Variants in CROT observed in about 807,000 individuals in gnomAD.
The protein encoded by CROT is peroxisomal carnitine O-octanoyltransferase.
CROT carries 84 observed loss-of-function variants against 89.2 expected under a neutral mutation model. That is an observed-to-expected ratio of 0.94 (90% CI 0.79 to 1.13). CROT has a LOEUF of 1.13. Among genes scored for constraint, CROT ranks in the 50% most tolerant of loss-of-function variants. The pLI is 0.00. For missense variants in CROT, 711 were observed against 727.8 expected (o/e 0.98, Z 0.27); for synonymous variants, 212 against 239.5 (o/e 0.89, Z 1.06).
In CROT at chr7:87,361,717, T is replaced by G; in HGVS notation, c.423-11T>G. 6.4e-7 allele frequency: 1 copy of G among 1,566,678 alleles called. No individual in the cohort carries two copies. The highest frequency in any genetic ancestry group is 8.6e-7 in the Non-Finnish European group (1 of 1,161,502). On this transcript the variant is annotated splice_polypyrimidine_tract_variant and intron_variant, in intron 5 of 17. Transcript: ENST00000331536. ...ATAATGACTTTTTGATCAAAATCCTTTTTTTAATAGAGAAAAAGTGCCTGT... is the reference window on the plus strand; with the variant it reads ...ATAATGACTTTTTGATCAAAATCCTGTTTTTAATAGAGAAAAAGTGCCTGT...
At position 87,392,827 on chromosome 7, in the gene CROT, A is replaced by G; in HGVS notation, c.1598+4A>G. ...CGGACCCACTTTTTTCCAAAAGGTA[A>G]TATAGTGTAGTGTTTTACAGCTTCA... On this transcript the variant is annotated splice_donor_region_variant and intron_variant, in intron 16 of 17. Transcript: ENST00000331536. 1 of 1,612,834 alleles carries G rather than the reference A, an allele frequency of 6.2e-7. No individual in the cohort carries two copies. Among genetic ancestry groups the G allele is most frequent in the Middle Eastern group, 1.7e-4 (1 of 6,054 alleles).
chr7:87,390,910 A>T (rs563713416), intron 13 of CROT, among the ~76,000 whole-genome samples: 3 of 152,204 alleles, frequency 2.0e-5, no homozygotes, highest in Admixed American at 2.0e-4. Flanking sequence ...CAGTAATTTT[A>T]TATCACAATT....
chr7:87,375,971 C>CTTTTT lies in CROT; in HGVS notation c.876+25_876+29dup. ...ATTCTGAGGTACTTAACTACCTTCT[C>CTTTTT]TTTTTTTTTTTATTGCAGATTTTTC... is the stretch of plus-strand genomic sequence containing the variant. On this transcript the variant is annotated intron_variant, in intron 9 of 17. Coordinates refer to ENST00000331536, the MANE Select transcript of CROT (RefSeq NM_021151.4). The CTTTTT allele has an allele frequency of 3.1e-6, 4 of 1,302,174 alleles. No individual in the cohort carries two copies. The highest frequency in any genetic ancestry group is 4.1e-6 in the Non-Finnish European group (4 of 967,604). 80.7% of individuals were successfully genotyped at this position (1,302,174 alleles called of 1,614,324 possible).
intron 3 of CROT, among the ~76,000 whole-genome samples, chr7:87,358,567 T>C (rs1250788305): frequency 1.3e-5 from 2 of 152,062 alleles, no homozygotes; most frequent in African/African-American, 2.4e-5. Flanking sequence ...ATGTTATATG[T>C]ATTATTTTCT....
At chr7:87,356,007 A>G (rs1206186423) in intron 3 of CROT, among the ~76,000 whole-genome samples, 1 of 152,114 alleles carries the variant, frequency 6.6e-6, no homozygotes, top group Non-Finnish European at 1.5e-5. Context: ...TTCTGAGATG[A>G]GATCTCACTG....
At chr7:87,393,134 T>C in intron 17 of CROT, 67 bp downstream of exon 17, 1 of 1,513,848 alleles carries the variant, frequency 6.6e-7, no homozygotes, top group South Asian at 1.2e-5. Context: ...TGTTTTTAAA[T>C]GCCTTTCCTA....
intron 2 of CROT, among the ~76,000 whole-genome samples, chr7:87,348,611 G>T (rs563420251): frequency 1.4e-4 from 21 of 152,348 alleles, no homozygotes; most frequent in African/African-American, 5.0e-4. Context: ...ATAGGGGAAA[G>T]ATTGTAGTCT....
chr7:87,354,236 C>T (rs1388226248), intron 3 of CROT, among the ~76,000 whole-genome samples: 3 of 151,972 alleles, frequency 2.0e-5, no homozygotes, highest in African/African-American at 4.8e-5. Flanking sequence ...GTTTTGGCAA[C>T]CAAAAAAACC....
chr7:87,385,839 T>C (rs1807167677), intron 13 of CROT, among the ~76,000 whole-genome samples: 1 of 152,248 alleles, frequency 6.6e-6, no homozygotes, highest in Non-Finnish European at 1.5e-5. Flanking sequence ...TTTATTGTTT[T>C]GATGTATATT....
In CROT at chr7:87,398,718, G is replaced by A. The variant is rs187783732; in HGVS notation, c.*74G>A. 6.4e-6 allele frequency: 9 copies of A among 1,408,276 alleles called. No homozygotes were observed. The Admixed American group carries it at 7.9e-5, about 12-fold the overall frequency. The allele number at this position is 1,408,276 out of a possible 1,614,324, so 87.2% of individuals were successfully genotyped here. On this transcript the variant is annotated 3_prime_UTR_variant, in exon 18 of 18. Transcript: ENST00000331536. Reference sequence around the variant, plus strand: ...TGCTGGGAGTGAGTTGGTAATATGAGATGGGAAGGAATGTTGACTTGCTAA... The same window carrying A: ...TGCTGGGAGTGAGTTGGTAATATGAAATGGGAAGGAATGTTGACTTGCTAA...
intron 17 of CROT, among the ~76,000 whole-genome samples, chr7:87,394,030 A>C (rs1222382903): frequency 6.6e-6 from 1 of 152,206 alleles, no homozygotes; most frequent in Non-Finnish European, 1.5e-5. Flanking sequence ...CAAATCTACT[A>C]TACAAAGTTG....
intron 13 of CROT, 99 bp downstream of exon 13, chr7:87,382,642 T>A: frequency 8.1e-7 from 1 of 1,241,718 alleles, no homozygotes; most frequent in Non-Finnish European, 1.1e-6. Context: ...TTTTGCTCAC[T>A]TTTTTCCCAG....
chr7:87,371,444 T>G (rs2115898140), intron 7 of CROT, among the ~76,000 whole-genome samples: 1 of 152,358 alleles, frequency 6.6e-6, no homozygotes. Flanking sequence ...CTTTATGATA[T>G]GACATTAAAG....
chr7:87,388,396 C>T (rs933145713), intron 13 of CROT, among the ~76,000 whole-genome samples: 5 of 152,074 alleles, frequency 3.3e-5, no homozygotes, highest in African/African-American at 1.2e-4. Context: ...CTACAGTAAC[C>T]AAAACAGCAT....
Position 87,392,985 on chromosome 7 carries a change from G to T in CROT, c.1636G>T (p.Val546Phe). The change falls in exon 17 of 18, where the codon GTT becomes TTT. Residue 546 changes from valine (V) to phenylalanine (F), a missense_variant. By Grantham distance (50) the Val-to-Phe change is conservative. Transcript: ENST00000331536. ...GGNFVLSTSL[V>F]GYLRVQGVVV... ...AAATTTTGTTCTCTCAACAAGTCTGGTTGGCTATTTACGAGTCCAGGGAGT... is the reference window on the plus strand; with the variant it reads ...AAATTTTGTTCTCTCAACAAGTCTGTTTGGCTATTTACGAGTCCAGGGAGT... 1.9e-6 allele frequency: 3 copies of T among 1,613,686 alleles called. No individual in the cohort carries two copies. Among genetic ancestry groups the T allele is most frequent in the Non-Finnish European group, 1.7e-6 (2 of 1,179,714 alleles).
At chr7:87,377,667 A>G (rs1806853650) in intron 10 of CROT, among the ~76,000 whole-genome samples, 1 of 152,220 alleles carries the variant, frequency 6.6e-6, no homozygotes, top group East Asian at 1.9e-4. Context: ...TATATCTGCA[A>G]AATGGGATTT....
chr7:87,376,097 G>A, intron 9 of CROT, 144 bp downstream of exon 9: 1 of 687,290 alleles, frequency 1.5e-6, no homozygotes. Flanking sequence ...GTGCCAAATT[G>A]AAGCTTATAA....
intron 7 of CROT, among the ~76,000 whole-genome samples, chr7:87,370,673 TC>T (rs1806603561): frequency 1.3e-5 from 2 of 152,216 alleles, no homozygotes; most frequent in Non-Finnish European, 2.9e-5. Flanking sequence ...TTAGAACATT[TC>T]TAATACTCCA....
rs376863194 is a variant in CROT at position 87,392,810 on chromosome 7, C to G, written c.1585C>G (p.Leu529Val). The change falls in exon 16 of 18, where the codon CTT becomes GTT. Residue 529 changes from leucine (L) to valine (V), a missense_variant. Coordinates refer to ENST00000331536, the MANE Select transcript of CROT (RefSeq NM_021151.4). ...TGTTCCAGAACTCTTTACGGACCCACTTTTTTCCAAAAGGTAATATAGTGT... is the reference window on the plus strand; with the variant it reads ...TGTTCCAGAACTCTTTACGGACCCAGTTTTTTCCAAAAGGTAATATAGTGT... Reference protein sequence around the residue: ...LPVPELFTDPLFSKSGGGGNF... With the variant: ...LPVPELFTDPVFSKSGGGGNF... The G allele has an allele frequency of 9.7e-5, 157 of 1,613,468 alleles. No individual in the cohort carries two copies. In the African/African-American group the frequency reaches 1.2e-3, roughly 12 times the overall value.
Sources: gnomAD v4.1 joint callset for allele counts (sites outside exome capture counted in the v4.1 genomes callset) on GRCh38, gnomAD v4.1.1 for gene constraint, MANE v1.5 for transcripts, NCBI Gene and HGNC (gene_info 2026-07-23, HGNC 2026-07-21) for gene names.